Variants in PPP1R36 observed in about 807,000 individuals in gnomAD.
The protein encoded by PPP1R36 is chromosome 14 open reading frame 50.
PPP1R36 carries 47 observed loss-of-function variants against 53.4 expected under a neutral mutation model. That is an observed-to-expected ratio of 0.88 (90% CI 0.70 to 1.12). The LOEUF (loss-of-function observed/expected upper bound fraction) is 1.12, where lower values mean the gene tolerates loss of function less well. Among genes scored for constraint, PPP1R36 ranks in the 50% most tolerant of loss-of-function variants. The pLI, the probability that PPP1R36 is intolerant of heterozygous loss-of-function variation, is 0.00. For synonymous variants in PPP1R36, 153 were observed against 170.5 expected (o/e 0.90, Z 0.80); for missense variants, 456 against 513.9 (o/e 0.89, Z 1.09).
rs941114330 is a variant in PPP1R36, at chr14:64,550,133, G to C, written c.69+67G>C. 22 of 1,524,950 alleles carry C rather than the reference G, an allele frequency of 1.4e-5. 1 individual carries two copies. In the South Asian group the frequency reaches 1.8e-4, roughly 13 times the overall value. The allele number at this position is 1,524,950 out of a possible 1,614,324, so 94.5% of individuals were successfully genotyped here. On this transcript the variant is annotated intron_variant, in intron 1 of 11. Transcript: ENST00000298705. ...AAGGCGGGCCCTGCTGCCCCCAACC[G>C]GCGCCGCGCCCCTCGCCCTCCTCCA...
In PPP1R36 at chr14:64,582,900, T is replaced by A. The variant is rs1446177827; in HGVS notation, c.669-3937T>A. Among the ~76,000 whole-genome samples the A allele has an allele frequency of 4.0e-5, 6 of 150,486 alleles. No homozygotes were observed. The South Asian group carries it at 1.0e-3, about 26-fold the overall frequency. On this transcript the variant is annotated intron_variant, in intron 8 of 11. Coordinates refer to ENST00000298705, the MANE Select transcript of PPP1R36 (RefSeq NM_172365.3). ...TTTAATTTAATTTATTTTTATTTTTTATTTTTTTTGAGATAGGGTCTCACT... is the reference window on the plus strand; with the variant it reads ...TTTAATTTAATTTATTTTTATTTTTAATTTTTTTTGAGATAGGGTCTCACT...
intron 3 of PPP1R36, among the ~76,000 whole-genome samples, chr14:64,560,317 C>CTG (rs1490478731): frequency 6.6e-6 from 1 of 151,668 alleles, no homozygotes; most frequent in Non-Finnish European, 1.5e-5. Context: ...TGGTGCACAC[C>CTG]TGTAGTCCCA....
At chr14:64,557,836 C>T (rs544235336) in intron 3 of PPP1R36, among the ~76,000 whole-genome samples, 1 of 152,190 alleles carries the variant, frequency 6.6e-6, no homozygotes, top group South Asian at 2.1e-4. Context: ...TGGTAAAACC[C>T]CGTCTCTACT....
chr14:64,556,651 G>A (rs2080155098), intron 3 of PPP1R36, among the ~76,000 whole-genome samples: 1 of 139,866 alleles, frequency 7.1e-6, no homozygotes, highest in Non-Finnish European at 1.5e-5. Flanking sequence ...GTATGCGCCT[G>A]TAGTCCCAGC....
intron 10 of PPP1R36, among the ~76,000 whole-genome samples, chr14:64,587,709 G>A (rs1176009119): frequency 2.0e-5 from 3 of 151,490 alleles, no homozygotes; most frequent in Non-Finnish European, 4.4e-5. Context: ...TGATTCACAC[G>A]CCTCAGCCTC....
chr14:64,588,769 A>G (rs1471789138), intron 11 of PPP1R36, among the ~76,000 whole-genome samples: 3 of 152,018 alleles, frequency 2.0e-5, no homozygotes, highest in Non-Finnish European at 4.4e-5. Flanking sequence ...CATGTTGGTC[A>G]GGCTGGTCTC....
rs1212035878 is a variant in PPP1R36, at chr14:64,573,737, A to AC, written c.534-715dup. ...AGACCAGCCTGGCCAACATGGTGAA[A>AC]CCCTGTCTCTACTAAAAATACAAAA... is the stretch of plus-strand genomic sequence containing the variant. On this transcript the variant is annotated intron_variant, in intron 7 of 11. Coordinates refer to ENST00000298705, the MANE Select transcript of PPP1R36 (RefSeq NM_172365.3). 2.0e-5 allele frequency among the ~76,000 whole-genome samples: 3 copies of AC among 151,434 alleles called. No homozygotes were observed. In the East Asian group the frequency reaches 5.9e-4, roughly 30 times the overall value.
At chr14:64,589,051 TACACAC>T (rs1261785652) in intron 11 of PPP1R36, 95 bp from the exon 12 acceptor site, 1 of 805,410 alleles carries the variant, frequency 1.2e-6, no homozygotes, top group Non-Finnish European at 2.0e-6. Flanking sequence ...TTAGTGTACA[TACACAC>T]ACACATACAT....
At position 64,549,979 on chromosome 14, in the gene PPP1R36, T is replaced by G; in HGVS notation, c.-19T>G. 1 of 1,557,524 alleles carries G rather than the reference T, an allele frequency of 6.4e-7. No individual in the cohort carries two copies. Among genetic ancestry groups the G allele is most frequent in the Non-Finnish European group, 8.7e-7 (1 of 1,150,364 alleles). On this transcript the variant is annotated 5_prime_UTR_variant, in exon 1 of 12. An upstream start codon of the reference 5' UTR is lost. Transcript: ENST00000298705. ...GGGCGGTATCCTCGGCGACGCCGTA[T>G]GGCTTCCAGGGCGAGGCCATGTACC...
At chr14:64,552,957 T>C in intron 3 of PPP1R36, 96 bp downstream of exon 3, 2 of 1,186,016 alleles carry the variant, frequency 1.7e-6, no homozygotes, top group Non-Finnish European at 2.4e-6. Context: ...AGAATGTGTG[T>C]ATAAATATTA....
At chr14:64,580,472 A>T (rs2080379845) in intron 8 of PPP1R36, among the ~76,000 whole-genome samples, 1 of 152,242 alleles carries the variant, frequency 6.6e-6, no homozygotes, top group African/African-American at 2.4e-5. Flanking sequence ...AAGTAATTAT[A>T]CTTTTTCCAA....
intron 3 of PPP1R36, among the ~76,000 whole-genome samples, chr14:64,563,823 T>G (rs1371465885): frequency 6.6e-6 from 1 of 152,180 alleles, no homozygotes; most frequent in Non-Finnish European, 1.5e-5. Context: ...AATGTGGCAT[T>G]GTTATAACCC....
chr14:64,582,277 C>A (rs1309745691), intron 8 of PPP1R36, among the ~76,000 whole-genome samples: 1 of 152,158 alleles, frequency 6.6e-6, no homozygotes, highest in African/African-American at 2.4e-5. Context: ...AGTGGGGGAG[C>A]ACAACTTTTT....
intron 7 of PPP1R36, among the ~76,000 whole-genome samples, chr14:64,573,833 A>G (rs1046523166): frequency 7.5e-6 from 1 of 133,652 alleles, no homozygotes; most frequent in Non-Finnish European, 1.5e-5. Flanking sequence ...GAATTCCTTG[A>G]ACCCGGGAGG....
intron 6 of PPP1R36, among the ~76,000 whole-genome samples, chr14:64,567,444 A>G (rs1030762172): frequency 6.6e-6 from 1 of 152,234 alleles, no homozygotes. Context: ...TAAAAGAAAG[A>G]CGGAAATCTA....
chr14:64,553,476 C>T (rs2080114229), intron 3 of PPP1R36, among the ~76,000 whole-genome samples: 1 of 152,044 alleles, frequency 6.6e-6, no homozygotes, highest in Non-Finnish European at 1.5e-5. Context: ...TGGAGAATAG[C>T]TACGTGATGG....
chr14:64,551,475 T>C (rs1238177976), intron 2 of PPP1R36, among the ~76,000 whole-genome samples: 1 of 152,196 alleles, frequency 6.6e-6, no homozygotes, highest in African/African-American at 2.4e-5. Context: ...AAAAACTGAT[T>C]CTAATCTCTA....
intron 3 of PPP1R36, among the ~76,000 whole-genome samples, chr14:64,556,510 T>C (rs895620751): frequency 1.3e-5 from 2 of 152,066 alleles, no homozygotes; most frequent in African/African-American, 4.8e-5. Context: ...ACCTGCGATC[T>C]TAGCATTTTG....
intron 3 of PPP1R36, among the ~76,000 whole-genome samples, chr14:64,558,975 G>A (rs2080182016): frequency 6.6e-6 from 1 of 152,164 alleles, no homozygotes; most frequent in Admixed American, 6.5e-5. Context: ...ACCAGTGAAT[G>A]AAGGAAAGAC....
Sources: allele counts gnomAD v4.1 joint callset (sites outside exome capture counted in the v4.1 genomes callset), GRCh38; gene constraint gnomAD v4.1.1; transcripts MANE v1.5; gene names NCBI Gene and HGNC (gene_info 2026-07-23, HGNC 2026-07-21).